SLC7A2: variants seen among roughly 807,000 people sequenced by gnomAD.
SLC7A2 encodes solute carrier family 7 member 2, also known as cationic amino acid transporter 2.
A neutral mutation model predicts 58.9 loss-of-function variants in SLC7A2; 48 were observed. The observed-to-expected ratio is 0.82, with a 90% CI of 0.65 to 1.04. The LOEUF is 1.04. SLC7A2 is among the 50% of genes least tolerant of loss of function. The pLI, the probability that SLC7A2 is intolerant of heterozygous loss-of-function variation, is 0.00. For missense variants in SLC7A2, 1,029 were observed against 818.8 expected (o/e 1.26, Z -3.13); for synonymous variants, 363 against 314.5 (o/e 1.15, Z -1.63).
At chr8:17,529,657 C>G (rs900238422) in intron 2 of SLC7A2, among the ~76,000 whole-genome samples, 1 of 151,846 alleles carries the variant, frequency 6.6e-6, no homozygotes, top group African/African-American at 2.4e-5. Flanking sequence ...GCCTCAGCCT[C>G]TCGATTAGCT....
intron 2 of SLC7A2, among the ~76,000 whole-genome samples, chr8:17,536,077 G>A (rs1801652241): frequency 6.7e-6 from 1 of 149,550 alleles, no homozygotes. Context: ...TTATCGCTCT[G>A]CCGCTAGCTT....
chr8:17,550,536 G>T (rs1802400399), intron 6 of SLC7A2, 102 bp downstream of exon 6: 2 of 1,091,358 alleles, frequency 1.8e-6, no homozygotes, highest in Non-Finnish European at 1.3e-6. Context: ...AGGGATTTCG[G>T]GTAAGAAGGG....
At chr8:17,549,627 C>G (rs1246018938) in intron 5 of SLC7A2, among the ~76,000 whole-genome samples, 1 of 152,158 alleles carries the variant, frequency 6.6e-6, no homozygotes, top group Admixed American at 6.5e-5. Flanking sequence ...CTTTAGTAAT[C>G]TTCAGACCTT....
chr8:17,548,631 T>C, intron 4 of SLC7A2, 47 bp from the exon 5 acceptor site: 1 of 1,431,046 alleles, frequency 7.0e-7, no homozygotes, highest in Non-Finnish European at 9.7e-7. Flanking sequence ...AAAATGCTAT[T>C]GCCTTTCCTA....
intron 2 of SLC7A2, among the ~76,000 whole-genome samples, chr8:17,503,869 T>C (rs927977353): frequency 5.3e-5 from 8 of 152,174 alleles, no homozygotes; most frequent in African/African-American, 1.9e-4. Context: ...ATTTAAGCAA[T>C]TGTTTGGGAG....
chr8:17,550,604 A>G (rs935968914), intron 6 of SLC7A2, among the ~76,000 whole-genome samples, 170 bp downstream of exon 6: 8 of 151,938 alleles, frequency 5.3e-5, no homozygotes, highest in African/African-American at 1.7e-4. Flanking sequence ...AAAGAATGCA[A>G]CTCTCTGCCC....
chr8:17,546,513 T>C (rs1362839116), intron 4 of SLC7A2, among the ~76,000 whole-genome samples: 2 of 152,154 alleles, frequency 1.3e-5, no homozygotes, highest in African/African-American at 4.8e-5. Flanking sequence ...CGGTGGGAGA[T>C]GAGACCTCAG....
intron 1 of SLC7A2, among the ~76,000 whole-genome samples, chr8:17,500,834 ACACACACAC>A (rs2150637614): frequency 1.5e-5 from 2 of 129,560 alleles, no homozygotes; most frequent in South Asian, 5.1e-4. Flanking sequence ...ACACACACAC[ACACACACAC>A]AGAATCCCAG....
chr8:17,518,235 A>G (rs1169711091), intron 2 of SLC7A2, among the ~76,000 whole-genome samples: 1 of 150,144 alleles, frequency 6.7e-6, no homozygotes, highest in Non-Finnish European at 1.5e-5. Flanking sequence ...TTTTTTGCAC[A>G]ACATCCAAAA....
chr8:17,530,289 A>T (rs550939824), intron 2 of SLC7A2, among the ~76,000 whole-genome samples: 2 of 152,168 alleles, frequency 1.3e-5, no homozygotes, highest in African/African-American at 2.4e-5. Flanking sequence ...AGTAGCTCGG[A>T]TGGCCTGGGA....
intron 2 of SLC7A2, among the ~76,000 whole-genome samples, chr8:17,537,459 A>G (rs1014243844): frequency 1.3e-5 from 2 of 152,078 alleles, no homozygotes; most frequent in Admixed American, 6.6e-5. Context: ...CGACCTAATC[A>G]TTTTGTTCGT....
At chr8:17,496,034 A>G (rs1799948980), upstream of SLC7A2, among the ~76,000 whole-genome samples, 1 of 152,260 alleles carries the variant, frequency 6.6e-6, no homozygotes, top group African/African-American at 2.4e-5. Context: ...TGAGGCAGCA[A>G]TACAAATCTG....
intron 2 of SLC7A2, among the ~76,000 whole-genome samples, chr8:17,538,226 C>G (rs185399879): frequency 1.3e-5 from 2 of 152,166 alleles, no homozygotes; most frequent in African/African-American, 4.8e-5. Flanking sequence ...TATTACAGTG[C>G]TTGTAACTTT....
rs191113383 is a variant in SLC7A2 at position 17,501,381 on chromosome 8, G to A, written c.-68-876G>A. 2.1e-4 allele frequency among the ~76,000 whole-genome samples: 32 copies of A among 152,238 alleles called. 1 individual carries two copies. The highest frequency in any genetic ancestry group is 1.7e-3 in the Admixed American group (26 of 15,288). On this transcript the variant is annotated intron_variant, in intron 1 of 12. Coordinates refer to ENST00000494857, the MANE Select transcript of SLC7A2 (RefSeq NM_001370338.1). ...CTGCTGCTGTTACGCTGACCTCACTGGTAAGTATAATTAGTATTGACTTGA... is the reference window on the plus strand; with the variant it reads ...CTGCTGCTGTTACGCTGACCTCACTAGTAAGTATAATTAGTATTGACTTGA...
chr8:17,509,375 G>A (rs1268642975), intron 2 of SLC7A2, among the ~76,000 whole-genome samples: 1 of 152,022 alleles, frequency 6.6e-6, no homozygotes, highest in Non-Finnish European at 1.5e-5. Flanking sequence ...GTGTGATCTT[G>A]GCTCATTGCA....
At chr8:17,495,578 C>G (rs1383699240), upstream of SLC7A2, among the ~76,000 whole-genome samples, 1 of 152,174 alleles carries the variant, frequency 6.6e-6, no homozygotes, top group African/African-American at 2.4e-5. Context: ...GAGACGGAAT[C>G]TCACTCTGTC....
upstream of SLC7A2, among the ~76,000 whole-genome samples, chr8:17,494,791 TAA>T (rs1485949849): frequency 6.6e-6 from 1 of 152,234 alleles, no homozygotes; most frequent in Non-Finnish European, 1.5e-5. Flanking sequence ...TGGAATATGT[TAA>T]GTCAAGAACT....
intron 10 of SLC7A2, 32 bp from the exon 11 acceptor site, chr8:17,561,912 G>A (rs769668153): frequency 1.9e-6 from 3 of 1,608,704 alleles, no homozygotes; most frequent in African/African-American, 2.7e-5. Context: ...AGCACAGTGT[G>A]CTGACTCTGT....
intron 2 of SLC7A2, among the ~76,000 whole-genome samples, chr8:17,518,125 G>C (rs1363290929): frequency 1.3e-5 from 2 of 151,878 alleles, no homozygotes; most frequent in Non-Finnish European, 2.9e-5. Context: ...CTGGGGTACA[G>C]TGGCCTTGCT....
Sources: gnomAD v4.1 joint callset for allele counts (sites outside exome capture counted in the v4.1 genomes callset) on GRCh38, gnomAD v4.1.1 for gene constraint, MANE v1.5 for transcripts, NCBI Gene and HGNC (gene_info 2026-07-23, HGNC 2026-07-21) for gene names.